YME1L1: variants seen among roughly 807,000 people sequenced by gnomAD.
YME1L1 encodes YME1 like 1 ATPase.
YME1L1 carries 39 observed loss-of-function variants against 90.4 expected under a neutral mutation model. The observed-to-expected ratio is 0.43, with a 90% CI of 0.33 to 0.56. The LOEUF is 0.56. YME1L1 is among the 20% of genes least tolerant of loss of function. The pLI, the probability that YME1L1 is intolerant of heterozygous loss-of-function variation, is 0.03. For missense variants in YME1L1, 617 were observed against 868.4 expected, an observed-to-expected ratio of 0.71 and a Z score of 3.64; for synonymous variants, 284 against 287.3, an observed-to-expected ratio of 0.99 and a Z score of 0.12.
intron 4 of YME1L1, among the ~76,000 whole-genome samples, chr10:27,139,085 G>A (rs2057058537): frequency 1.3e-5 from 2 of 151,736 alleles, no homozygotes; most frequent in Admixed American, 6.6e-5. Context: ...CACATTTCTA[G>A]ATTTGCTTTC....
chr10:27,135,056 A>ATTCTGT, intron 5 of YME1L1, 75 bp from the exon 6 acceptor site: 1 of 1,412,858 alleles, frequency 7.1e-7, no homozygotes, highest in Non-Finnish European at 9.6e-7. Flanking sequence ...GACCACTCAA[A>ATTCTGT]AAAATTCACT....
At chr10:27,146,064 T>C (rs12772934) in intron 2 of YME1L1, 6,581 of 153,050 alleles carry the variant, frequency 0.043, 158 homozygotes, top group Non-Finnish European at 0.062. Context: ...TTATATAAGG[T>C]CCAGGGGATT....
At chr10:27,121,318 C>T (rs1477610094) in intron 12 of YME1L1, 68 bp downstream of exon 12, 15 of 1,105,564 alleles carry the variant, frequency 1.4e-5, no homozygotes, top group East Asian at 9.5e-5. Context: ...TCTTTTGCAA[C>T]GGACTTCTTT....
chr10:27,150,965 G>A (rs2057207341), intron 1 of YME1L1, among the ~76,000 whole-genome samples: 1 of 118,366 alleles, frequency 8.4e-6, no homozygotes, highest in Admixed American at 1.2e-4. Flanking sequence ...TCGCTTTGTC[G>A]CCCAGACTGG....
chr10:27,117,482 C>T (rs562165701), intron 15 of YME1L1, 94 bp downstream of exon 15: 2 of 1,324,584 alleles, frequency 1.5e-6, no homozygotes, highest in Non-Finnish European at 2.1e-6. Flanking sequence ...GTGAAAGAAT[C>T]GTTTGAATCC....
At chr10:27,139,697 T>C (rs999662151) in intron 4 of YME1L1, among the ~76,000 whole-genome samples, 5 of 152,202 alleles carry the variant, frequency 3.3e-5, no homozygotes, top group African/African-American at 1.2e-4. Flanking sequence ...GGGTTAACTT[T>C]GTTAATTAAT....
rs781582623 is a variant in YME1L1, at chr10:27,116,204, T to C, written c.1846+15A>G. On this transcript the variant is annotated intron_variant, in intron 16 of 18. Coordinates refer to ENST00000376016, the MANE Select transcript of YME1L1 (RefSeq NM_014263.4). ...CCACATATAATTTGAACTAAAGCCA[T>C]TCTTTAAAGCTAACCTGTTGTAATA... is the stretch of plus-strand genomic sequence containing the variant. The C allele has an allele frequency of 1.9e-6, 3 of 1,613,968 alleles. No homozygotes were observed. Among genetic ancestry groups the C allele is most frequent in the Non-Finnish European group, 1.7e-6 (2 of 1,180,022 alleles).
At chr10:27,139,848 C>A (rs1037853761) in intron 4 of YME1L1, among the ~76,000 whole-genome samples, 13 of 152,086 alleles carry the variant, frequency 8.5e-5, no homozygotes, top group Non-Finnish European at 1.6e-4. Flanking sequence ...CCTGTTGTTT[C>A]TTAATCAGAA....
intron 14 of YME1L1, 48 bp from the exon 15 acceptor site, chr10:27,117,775 A>C (rs2056828575): frequency 2.5e-6 from 4 of 1,583,732 alleles, no homozygotes. Flanking sequence ...AGGTATATTT[A>C]AATCAACAAA....
At chr10:27,151,743 T>TGGTGGCGGGCGC (rs1438650509) in intron 1 of YME1L1, among the ~76,000 whole-genome samples, 2 of 151,960 alleles carry the variant, frequency 1.3e-5, no homozygotes, top group Admixed American at 6.6e-5. Context: ...TAGCCGGGCG[T>TGGTGGCGGGCGC]GGTGGCGGGC....
chr10:27,139,523 C>A (rs1564465420), intron 4 of YME1L1, among the ~76,000 whole-genome samples: 1 of 152,042 alleles, frequency 6.6e-6, no homozygotes, highest in Admixed American at 6.5e-5. Flanking sequence ...AAATAGGGAA[C>A]TCTATCTTTT....
At chr10:27,128,188 C>A (rs1411897071) in intron 8 of YME1L1, among the ~76,000 whole-genome samples, 1 of 152,060 alleles carries the variant, frequency 6.6e-6, no homozygotes, top group East Asian at 1.9e-4. Context: ...TTCAGAAATT[C>A]TAGGCAAGGA....
chr10:27,123,090 A>C, intron 10 of YME1L1, 117 bp from the exon 11 acceptor site: 1 of 1,289,966 alleles, frequency 7.8e-7, no homozygotes, highest in Non-Finnish European at 1.1e-6. Flanking sequence ...TATTCACTGA[A>C]AGAAAAGGAC....
chr10:27,138,024 T>C (rs1305880257), intron 4 of YME1L1, among the ~76,000 whole-genome samples: 1 of 152,120 alleles, frequency 6.6e-6, no homozygotes, highest in African/African-American at 2.4e-5. Flanking sequence ...TATATTTTTG[T>C]TTTCAACCCT....
At chr10:27,133,706 A>C (rs182742896) in intron 7 of YME1L1, among the ~76,000 whole-genome samples, 1 of 152,286 alleles carries the variant, frequency 6.6e-6, no homozygotes, top group Non-Finnish European at 1.5e-5. Flanking sequence ...GGAAACATTT[A>C]ATGTGATTTT....
chr10:27,120,651 G>A (rs901202859), intron 12 of YME1L1, 104 bp from the exon 13 acceptor site: 2 of 769,060 alleles, frequency 2.6e-6, no homozygotes, highest in Admixed American at 2.8e-5. Context: ...ATGGCAGCCA[G>A]AGCGCAGATG....
At position 27,147,645 on chromosome 10, in the gene YME1L1, C is replaced by T. The variant is rs141172987; in HGVS notation, c.168+1261G>A. ...TGCCAATTGAAACAATGTTAAGCTT[C>T]GTCAGGAAGTCACTGAACATACACT... On this transcript the variant is annotated intron_variant, in intron 2 of 18. Coordinates refer to ENST00000376016, the MANE Select transcript of YME1L1 (RefSeq NM_014263.4). 1.9e-4 allele frequency: 298 copies of T among 1,551,818 alleles called. No homozygotes were observed. In the African/African-American group the frequency reaches 3.2e-3, roughly 17 times the overall value.
chr10:27,121,583 A>T, intron 11 of YME1L1, 135 bp from the exon 12 acceptor site: 1 of 630,316 alleles, frequency 1.6e-6, no homozygotes, highest in Non-Finnish European at 2.9e-6. Flanking sequence ...GAAGCGCACC[A>T]GTATGATCAT....
At chr10:27,138,215 G>A (rs2057049551) in intron 4 of YME1L1, among the ~76,000 whole-genome samples, 1 of 152,046 alleles carries the variant, frequency 6.6e-6, no homozygotes, top group South Asian at 2.1e-4. Flanking sequence ...TTAGTTATTT[G>A]TAATACTACA....
Sources: gnomAD v4.1 joint callset for allele counts (sites outside exome capture counted in the v4.1 genomes callset) on GRCh38, gnomAD v4.1.1 for gene constraint, MANE v1.5 for transcripts, NCBI Gene and HGNC (gene_info 2026-07-23, HGNC 2026-07-21) for gene names.